The following SLIT3 variants were observed in gnomAD, a reference collection of about 807,000 sequenced individuals.
SLIT3 encodes slit guidance ligand 3.
Under a neutral mutation model 184.0 loss-of-function variants are expected in SLIT3, and 68 were observed. The observed-to-expected ratio is 0.37, with a 90% CI of 0.30 to 0.45. The LOEUF is 0.45. SLIT3 is among the 20% of genes least tolerant of loss of function. SLIT3 has a pLI of 1.00. For synonymous variants in SLIT3, 831 were observed against 828.6 expected (o/e 1.00, Z -0.05); for missense variants, 1,707 against 2,026.0 (o/e 0.84, Z 3.02).
chr5:169,094,621 C>T (rs918164791), intron 4 of SLIT3, among the ~76,000 whole-genome samples: 2 of 152,176 alleles, frequency 1.3e-5, no homozygotes, highest in African/African-American at 4.8e-5. Flanking sequence ...CAGAGCAAGA[C>T]TCAGTCTCAA....
At chr5:168,706,485 CCCT>C (rs1762374886) in intron 26 of SLIT3, 2 of 152,190 alleles carry the variant, frequency 1.3e-5, no homozygotes, top group South Asian at 4.2e-4. Context: ...CTCTATTCTC[CCCT>C]CCTATTATTT....
chr5:168,994,838 C>T (rs1755457644), intron 4 of SLIT3, among the ~76,000 whole-genome samples: 1 of 151,568 alleles, frequency 6.6e-6, no homozygotes, highest in African/African-American at 2.4e-5. Flanking sequence ...AACGGGGTTT[C>T]AGCATGTTGG....
chr5:168,773,403 C>T (rs1338133861), intron 13 of SLIT3, among the ~76,000 whole-genome samples: 2 of 152,172 alleles, frequency 1.3e-5, no homozygotes, highest in African/African-American at 4.8e-5. Flanking sequence ...TTATCCTTAT[C>T]ATCATAAGAG....
At chr5:168,723,206 CCCATCCATCCGT>C (rs1763001187) in intron 21 of SLIT3, among the ~76,000 whole-genome samples, 2 of 151,952 alleles carry the variant, frequency 1.3e-5, no homozygotes, top group Admixed American at 1.3e-4. Context: ...CATCCGCTTT[CCCATCCATCCGT>C]CCATCCATAC....
chr5:168,794,162 G>C (rs112148791), intron 10 of SLIT3, among the ~76,000 whole-genome samples: 59 of 152,300 alleles, frequency 3.9e-4, no homozygotes, highest in African/African-American at 1.4e-3. Context: ...GGAAAGCAAT[G>C]AATCAGCCTC....
intron 4 of SLIT3, chr5:169,017,887 G>GA (rs1223204294): frequency 3.3e-5 from 5 of 152,196 alleles, no homozygotes; most frequent in Non-Finnish European, 5.9e-5. Context: ...TCAAAGACAG[G>GA]AAAAATGGGC....
chr5:168,720,521 CCA>C (rs1762909655), intron 23 of SLIT3: 1 of 152,210 alleles, frequency 6.6e-6, no homozygotes, highest in Non-Finnish European at 1.5e-5. Context: ...GGCAGTGAAC[CCA>C]CACACGGAAC....
At chr5:169,018,330 T>C (rs1052146619) in intron 4 of SLIT3, 4 of 152,346 alleles carry the variant, frequency 2.6e-5, no homozygotes, top group Admixed American at 1.3e-4. Context: ...TCTGAATTCA[T>C]ACATTTTACC....
At chr5:168,764,544 G>C (rs1339427832) in intron 14 of SLIT3, among the ~76,000 whole-genome samples, 1 of 152,174 alleles carries the variant, frequency 6.6e-6, no homozygotes, top group East Asian at 1.9e-4. Flanking sequence ...TCCATAGTGG[G>C]CTATGGTGGT....
At chr5:168,772,303 T>C (rs1755583125) in intron 14 of SLIT3, 1 of 161,790 alleles carries the variant, frequency 6.2e-6, no homozygotes, top group South Asian at 1.7e-4. Context: ...TAACATACTG[T>C]GGTCAAAGGG....
chr5:169,104,944 C>T (rs573851950), intron 4 of SLIT3, among the ~76,000 whole-genome samples: 86 of 152,260 alleles, frequency 5.6e-4, no homozygotes, highest in Middle Eastern at 3.4e-3. Flanking sequence ...GAAACATGCG[C>T]GCCATTTTCA....
intron 4 of SLIT3, among the ~76,000 whole-genome samples, chr5:168,942,462 T>C (rs1762360572): frequency 6.6e-6 from 1 of 152,246 alleles, no homozygotes; most frequent in Non-Finnish European, 1.5e-5. Context: ...AAGCTAGATA[T>C]TCTTTAAGAA....
At chr5:168,766,343 C>G (rs1755345263) in intron 14 of SLIT3, among the ~76,000 whole-genome samples, 1 of 152,206 alleles carries the variant, frequency 6.6e-6, no homozygotes, top group South Asian at 2.1e-4. Context: ...CAGGCCTCAT[C>G]AGCTTGAAAA....
intron 8 of SLIT3, among the ~76,000 whole-genome samples, chr5:168,815,664 A>T (rs1581110658): frequency 6.6e-6 from 1 of 152,226 alleles, no homozygotes; most frequent in Non-Finnish European, 1.5e-5. Context: ...ATATTTTCAG[A>T]TAATAAATAA....
intron 4 of SLIT3, among the ~76,000 whole-genome samples, chr5:169,069,742 T>G: frequency 2.7e-5 from 4 of 146,052 alleles, no homozygotes; most frequent in South Asian, 2.3e-4. Flanking sequence ...AGAGGGGAGG[T>G]AGGGAGGTGG....
At chr5:168,860,997 C>T (rs1285264771) in intron 5 of SLIT3, among the ~76,000 whole-genome samples, 1 of 152,174 alleles carries the variant, frequency 6.6e-6, no homozygotes, top group African/African-American at 2.4e-5. Flanking sequence ...TATCATCCAA[C>T]AGTCACCTTT....
intron 20 of SLIT3, among the ~76,000 whole-genome samples, chr5:168,733,841 A>C (rs1350377705): frequency 1.3e-5 from 2 of 152,196 alleles, no homozygotes; most frequent in African/African-American, 4.8e-5. Context: ...TATACATTGA[A>C]TACTACTCAG....
intron 4 of SLIT3, among the ~76,000 whole-genome samples, chr5:169,127,631 T>C (rs557820231): frequency 1.3e-5 from 2 of 152,356 alleles, no homozygotes; most frequent in East Asian, 3.9e-4. Context: ...GATGCTATTC[T>C]GGACATGAGA....
At position 168,694,850 on chromosome 5, in the gene SLIT3, C is replaced by T. The variant is rs566127808; in HGVS notation, c.3082+1442G>A. 2.2e-3 allele frequency among the ~76,000 whole-genome samples: 337 copies of T among 152,320 alleles called. 2 individuals carry two copies. Among genetic ancestry groups the T allele is most frequent in the Middle Eastern group, 0.02 (6 of 294 alleles). Reference sequence around the variant, plus strand: ...GCCAGGCTGGTCTCGAACTCCTGATCTCAGGTGATCTGCCTGCCTTGGCCT... The same window carrying T: ...GCCAGGCTGGTCTCGAACTCCTGATTTCAGGTGATCTGCCTGCCTTGGCCT... On this transcript the variant is annotated intron_variant, in intron 28 of 35. Coordinates refer to ENST00000519560, the MANE Select transcript of SLIT3 (RefSeq NM_003062.4).
Sources: allele counts gnomAD v4.1 joint callset (sites outside exome capture counted in the v4.1 genomes callset), GRCh38; gene constraint gnomAD v4.1.1; transcripts MANE v1.5; gene names NCBI Gene and HGNC (gene_info 2026-07-23, HGNC 2026-07-21).